SH3BP5: variants seen among roughly 807,000 people sequenced by gnomAD.
SH3BP5 encodes the protein SH3 domain-binding protein 5.
In SH3BP5, 22 loss-of-function variants were observed where a neutral mutation model predicts 43.3. The ratio of observed to expected loss-of-function variants is 0.51; its 90% CI spans 0.36 to 0.73. SH3BP5 has a LOEUF of 0.73. Ranked by LOEUF, SH3BP5 falls within the 30% of genes least tolerant of loss-of-function variation. SH3BP5 has a pLI of 0.00. For missense variants in SH3BP5, 529 were observed against 586.9 expected (o/e 0.90, Z 1.02); for synonymous variants, 255 against 225.8 (o/e 1.13, Z -1.16).
chr3:15,277,013 C>T (rs758337277), intron 3 of SH3BP5, among the ~76,000 whole-genome samples: 32 of 151,750 alleles, frequency 2.1e-4, no homozygotes, highest in Non-Finnish European at 4.4e-4. Context: ...TGCAATGGTG[C>T]GATCTCGGCT....
chr3:15,337,091 T>TG (rs35454426), upstream of SH3BP5, among the ~76,000 whole-genome samples: 14,984 of 141,210 alleles, frequency 0.11, 1,062 homozygotes, highest in East Asian at 0.28. Flanking sequence ...TTAGTTTTTT[T>TG]TTTTTTTTTT....
At chr3:15,295,409 A>G (rs771616472) in intron 3 of SH3BP5, among the ~76,000 whole-genome samples, 1 of 152,150 alleles carries the variant, frequency 6.6e-6, no homozygotes, top group Non-Finnish European at 1.5e-5. Flanking sequence ...TGGCTCTCAT[A>G]CTGTACACAA....
intron 2 of SH3BP5, among the ~76,000 whole-genome samples, chr3:15,307,934 C>T (rs534576750): frequency 3.9e-5 from 6 of 152,254 alleles, no homozygotes; most frequent in African/African-American, 9.6e-5. Context: ...CAGTGGCCTA[C>T]GGGCCAATAA....
At chr3:15,307,790 G>A (rs1311651953) in intron 2 of SH3BP5, among the ~76,000 whole-genome samples, 1 of 152,234 alleles carries the variant, frequency 6.6e-6, no homozygotes, top group Non-Finnish European at 1.5e-5. Flanking sequence ...CACCTCCCTG[G>A]TGGTGGCCAG....
chr3:15,257,636 C>T (rs1439098401), intron 7 of SH3BP5: 1 of 152,898 alleles, frequency 6.5e-6, no homozygotes, highest in Non-Finnish European at 1.5e-5. Flanking sequence ...AGAACACACT[C>T]AAAGGCTACC....
intron 3 of SH3BP5, among the ~76,000 whole-genome samples, chr3:15,295,595 C>G (rs372788837): frequency 1.3e-5 from 2 of 152,160 alleles, no homozygotes; most frequent in African/African-American, 4.8e-5. Context: ...AGATGAGCTT[C>G]GTTCAGGCAG....
chr3:15,304,432 C>T (rs2125111983), intron 2 of SH3BP5: 3 of 797,956 alleles, frequency 3.8e-6, no homozygotes, highest in Non-Finnish European at 6.3e-6. Context: ...GTGCTCTGCA[C>T]AGTGCAGTGT....
At chr3:15,258,587 CAAAG>C in intron 7 of SH3BP5, 2 of 543,870 alleles carry the variant, frequency 3.7e-6, no homozygotes, top group Non-Finnish European at 3.3e-6. Flanking sequence ...CTTTGACTCT[CAAAG>C]AGGAGTGAAG....
At chr3:15,276,415 T>C (rs770201791) in intron 3 of SH3BP5, among the ~76,000 whole-genome samples, 1 of 152,180 alleles carries the variant, frequency 6.6e-6, no homozygotes, top group South Asian at 2.1e-4. Context: ...TGACCCCTAG[T>C]CTGGAGCTAT....
chr3:15,321,398 C>T (rs1317141446), intron 2 of SH3BP5, among the ~76,000 whole-genome samples: 1 of 152,120 alleles, frequency 6.6e-6, no homozygotes, highest in Non-Finnish European at 1.5e-5. Flanking sequence ...AGCAAACCCA[C>T]AACATCAGGT....
At chr3:15,256,770 C>T in intron 8 of SH3BP5, 83 bp downstream of exon 8, 1 of 1,458,896 alleles carries the variant, frequency 6.9e-7, no homozygotes, top group Admixed American at 2.2e-5. Context: ...GCCCTGAGAC[C>T]TGGCAGAGGT....
At chr3:15,270,575 A>G (rs1478950788) in intron 3 of SH3BP5, among the ~76,000 whole-genome samples, 1 of 152,066 alleles carries the variant, frequency 6.6e-6, no homozygotes, top group African/African-American at 2.4e-5. Flanking sequence ...ACCAATACCA[A>G]CTGTAGCTGA....
intron 2 of SH3BP5, among the ~76,000 whole-genome samples, chr3:15,322,695 C>T (rs1282274181): frequency 1.3e-5 from 2 of 151,942 alleles, no homozygotes; most frequent in African/African-American, 4.8e-5. Flanking sequence ...ATTAGCCAGG[C>T]GTGGTGGCGC....
rs1290499360 is a variant in SH3BP5, at chr3:15,302,059, C to T, written c.330+2044G>A. ...AGGAAAGGAGGTTTTCTGAATTCCT[C>T]GATATTTATCCAATGTTTAAATTAA... On this transcript the variant is annotated intron_variant, in intron 3 of 8. Coordinates refer to ENST00000383791, the MANE Select transcript of SH3BP5 (RefSeq NM_004844.5). 3.3e-5 allele frequency among the ~76,000 whole-genome samples: 5 copies of T among 152,116 alleles called. 1 individual carries two copies. Among genetic ancestry groups the T allele is most frequent in the South Asian group, 4.1e-4 (2 of 4,828 alleles).
chr3:15,285,441 C>G (rs913587186), intron 3 of SH3BP5, among the ~76,000 whole-genome samples: 3 of 152,202 alleles, frequency 2.0e-5, no homozygotes, highest in Admixed American at 2.0e-4. Flanking sequence ...AACCCAGATC[C>G]CAATGGGGCT....
At chr3:15,281,213 A>G (rs1697119509) in intron 3 of SH3BP5, among the ~76,000 whole-genome samples, 1 of 152,144 alleles carries the variant, frequency 6.6e-6, no homozygotes, top group African/African-American at 2.4e-5. Flanking sequence ...TTTAGTAGAA[A>G]CAGGGTTTCA....
intron 3 of SH3BP5, chr3:15,273,061 G>C (rs893977650): frequency 1.1e-6 from 1 of 873,708 alleles, no homozygotes; most frequent in Admixed American, 6.2e-5. Flanking sequence ...GAAGCAGAGG[G>C]AACCTGTCAC....
At chr3:15,339,249 C>A (rs968958542) in intron 1 of SH3BP5, among the ~76,000 whole-genome samples, 3 of 152,008 alleles carry the variant, frequency 2.0e-5, no homozygotes, top group Non-Finnish European at 4.4e-5. Context: ...TAAGGAGAAC[C>A]TTTATTTGTG....
At chr3:15,310,887 G>C (rs1216237872) in intron 2 of SH3BP5, among the ~76,000 whole-genome samples, 5 of 152,150 alleles carry the variant, frequency 3.3e-5, no homozygotes, top group African/African-American at 1.2e-4. Flanking sequence ...TCAGATAAGA[G>C]CTCAAGCTAA....
Sources: gnomAD v4.1 joint callset for allele counts (sites outside exome capture counted in the v4.1 genomes callset) on GRCh38, gnomAD v4.1.1 for gene constraint, MANE v1.5 for transcripts, NCBI Gene and HGNC (gene_info 2026-07-23, HGNC 2026-07-21) for gene names.